The following EMILIN2 variants were observed in gnomAD, a reference collection of about 807,000 sequenced individuals.
EMILIN2 encodes the protein elastin microfibril interfacer 2.
In EMILIN2, 71 loss-of-function variants were observed where a neutral mutation model predicts 87.1. That is an observed-to-expected ratio of 0.82 (90% CI 0.67 to 0.99). The LOEUF (loss-of-function observed/expected upper bound fraction) is 0.99. Ranked by LOEUF, EMILIN2 falls within the 50% of genes least tolerant of loss-of-function variation. EMILIN2 has a pLI of 0.00. For missense variants in EMILIN2, 1,407 were observed against 1,371.8 expected (o/e 1.03, Z -0.40); for synonymous variants, 581 against 563.4 (o/e 1.03, Z -0.44).
In EMILIN2 at chr18:2,906,943, C is replaced by A; in HGVS notation, c.2520C>A (p.Gly840=). Residue 840 remains glycine, a synonymous_variant, in exon 5 of 8, where the codon GGC becomes GGA. Coordinates refer to ENST00000254528, the MANE Select transcript of EMILIN2 (RefSeq NM_032048.3). Reference sequence around the variant, plus strand: ...AGGAGAGGCCGCCCCAGCCGCCAGGCTCCACCGGGGTCATCGCGGAGACGG... The same window carrying A: ...AGGAGAGGCCGCCCCAGCCGCCAGGATCCACCGGGGTCATCGCGGAGACGG... ...PPEERPPQPP[G]STGVIAETGQ... is the part of the protein sequence containing the mutation. 7.1e-7 allele frequency: 1 copy of A among 1,400,760 alleles called. No homozygotes were observed. The allele number at this position is 1,400,760 out of a possible 1,614,324, so 86.8% of individuals were successfully genotyped here. A position where few individuals can be genotyped will look rare whatever the true frequency, so the allele number is the denominator to read the frequency against.
intron 2 of EMILIN2, among the ~76,000 whole-genome samples, chr18:2,863,938 C>A (rs1318523143): frequency 6.6e-6 from 1 of 152,086 alleles, no homozygotes; most frequent in Non-Finnish European, 1.5e-5. Flanking sequence ...GGATAGTTAG[C>A]TCTTCTTGTT....
intron 4 of EMILIN2, among the ~76,000 whole-genome samples, chr18:2,906,003 C>G (rs902991224): frequency 3.3e-5 from 5 of 152,174 alleles, no homozygotes; most frequent in Admixed American, 1.3e-4. Context: ...AAACAAAAAT[C>G]AAATGTGTTG....
intron 2 of EMILIN2, among the ~76,000 whole-genome samples, chr18:2,882,431 C>T (rs1039062150): frequency 1.1e-4 from 16 of 152,190 alleles, no homozygotes; most frequent in Admixed American, 4.6e-4. Flanking sequence ...ATTCTGATGG[C>T]TCAGGCTAAG....
In EMILIN2 at chr18:2,909,758, G is replaced by C; in HGVS notation, c.2763G>C (p.Gly921=). ...CCCAGAAGCCTTTCCCCAGTGATGG[G>C]GGCGTTGTCCTCTTTAACAAAGTGC... ...GLTQKPFPSD[G]GVVLFNKVLV... The change falls in exon 7 of 8, where the codon GGG becomes GGC. Residue 921 remains glycine, a synonymous_variant. Transcript: ENST00000254528. 2 of 1,613,440 alleles carry C rather than the reference G, an allele frequency of 1.2e-6. No individual in the cohort carries two copies. Among genetic ancestry groups the C allele is most frequent in the Non-Finnish European group, 1.7e-6 (2 of 1,179,784 alleles).
At chr18:2,868,268 T>G (rs1045353822) in intron 2 of EMILIN2, among the ~76,000 whole-genome samples, 1 of 151,304 alleles carries the variant, frequency 6.6e-6, no homozygotes, top group African/African-American at 2.4e-5. Context: ...GCTCCTCACT[T>G]CCTAGATGGG....
intron 7 of EMILIN2, 93 bp from the exon 8 acceptor site, chr18:2,912,974 C>G: frequency 7.4e-7 from 1 of 1,345,168 alleles, no homozygotes; most frequent in Non-Finnish European, 1.0e-6. Flanking sequence ...GCTGGTCTCC[C>G]AGGCCCAGGT....
At chr18:2,864,800 C>A (rs1168486920) in intron 2 of EMILIN2, among the ~76,000 whole-genome samples, 2 of 152,070 alleles carry the variant, frequency 1.3e-5, no homozygotes, top group East Asian at 3.9e-4. Context: ...TGGATAATAT[C>A]CTGCAGAGTG....
At chr18:2,910,123 G>A (rs2076933795) in intron 7 of EMILIN2, among the ~76,000 whole-genome samples, 2 of 151,576 alleles carry the variant, frequency 1.3e-5, no homozygotes, top group Admixed American at 6.6e-5. Context: ...AGTTATGAGG[G>A]CTGTGCCGGC....
At chr18:2,900,132 G>GTT (rs11314488) in intron 4 of EMILIN2, among the ~76,000 whole-genome samples, 26 of 151,202 alleles carry the variant, frequency 1.7e-4, no homozygotes, top group Admixed American at 8.5e-4. Flanking sequence ...AAGCTTGAGG[G>GTT]TTTTTTTTTT....
At chr18:2,908,604 C>T (rs1011286759) in intron 5 of EMILIN2, among the ~76,000 whole-genome samples, 2 of 152,226 alleles carry the variant, frequency 1.3e-5, no homozygotes, top group African/African-American at 4.8e-5. Flanking sequence ...GATAACACTG[C>T]TAGAGGGCAA....
chr18:2,907,400 T>C (rs8097136), intron 5 of EMILIN2, among the ~76,000 whole-genome samples: 33,152 of 152,078 alleles, frequency 0.22, 4,564 homozygotes, highest in African/African-American at 0.38. Context: ...CAGAAGGGTA[T>C]TGGGAGCTTG....
At chr18:2,881,765 A>G (rs985955908) in intron 2 of EMILIN2, among the ~76,000 whole-genome samples, 2 of 152,228 alleles carry the variant, frequency 1.3e-5, no homozygotes, top group African/African-American at 4.8e-5. Flanking sequence ...GAGATTACAC[A>G]TTCTTCCAGC....
chr18:2,853,297 G>C (rs2076610339), intron 2 of EMILIN2, among the ~76,000 whole-genome samples: 1 of 152,166 alleles, frequency 6.6e-6, no homozygotes, highest in Non-Finnish European at 1.5e-5. Flanking sequence ...CAGTCTGGTA[G>C]ATCCTGCCAC....
chr18:2,906,850 G>T lies in EMILIN2; in HGVS notation c.2427G>T (p.Pro809=). 3.0e-6 allele frequency: 4 copies of T among 1,351,432 alleles called. No individual in the cohort carries two copies. Among genetic ancestry groups the T allele is most frequent in the South Asian group, 3.6e-5 (2 of 55,178 alleles). The allele number at this position is 1,351,432 out of a possible 1,614,324, so 83.7% of individuals were successfully genotyped here. ...KEPLQPEPAP[P]RPSGPATAED... ...CGCTGCAGCCCGAGCCCGCCCCGCC[G>T]AGGCCCAGCGGCCCCGCAACCGCAG... The change falls in exon 5 of 8, where the codon CCG becomes CCT. Residue 809 remains proline (P), a synonymous_variant. Coordinates refer to ENST00000254528, the MANE Select transcript of EMILIN2 (RefSeq NM_032048.3).
At chr18:2,868,423 G>T (rs1397938852) in intron 2 of EMILIN2, among the ~76,000 whole-genome samples, 1 of 152,200 alleles carries the variant, frequency 6.6e-6, no homozygotes, top group Non-Finnish European at 1.5e-5. Context: ...CTGCAATCTC[G>T]GCTCTTTGGG....
intron 2 of EMILIN2, among the ~76,000 whole-genome samples, chr18:2,855,227 C>T (rs116053804): frequency 6.6e-6 from 1 of 152,262 alleles, no homozygotes; most frequent in African/African-American, 2.4e-5. Context: ...TCTTATTTCT[C>T]TTGTTCCTGT....
At position 2,847,916 on chromosome 18, in the gene EMILIN2, G is replaced by A. The variant is rs762499245; in HGVS notation, c.242G>A (p.Cys81Tyr). Reference sequence around the variant, plus strand: ...AACTGTGCCTGGAACCAGATGCCCTGTCCGTCGGCGCTGGTGTAAGTCCTG... The same window carrying A: ...AACTGTGCCTGGAACCAGATGCCCTATCCGTCGGCGCTGGTGTAAGTCCTG... ...QYNCAWNQMPCPSALVYRVNF... is the reference protein window; with the variant it reads ...QYNCAWNQMPYPSALVYRVNF... The change falls in exon 2 of 8, where the codon TGT becomes TAT. Residue 81 changes from cysteine (C) to tyrosine (Y), a missense_variant. Transcript: ENST00000254528. The surrounding 1 kb of genome is among the most constrained non-coding windows in gnomAD (Gnocchi z 4.5). 1 of 1,611,840 alleles carries A rather than the reference G, an allele frequency of 6.2e-7. No homozygotes were observed. Among genetic ancestry groups the A allele is most frequent in the South Asian group, 1.1e-5 (1 of 91,022 alleles).
At chr18:2,873,707 A>AAAAT (rs144318798) in intron 2 of EMILIN2, among the ~76,000 whole-genome samples, 18 of 151,642 alleles carry the variant, frequency 1.2e-4, no homozygotes, top group South Asian at 4.2e-4. Flanking sequence ...ACTCCATCTC[A>AAAAT]AAATAAATAA....
At chr18:2,883,717 T>A (rs1412530965) in intron 2 of EMILIN2, among the ~76,000 whole-genome samples, 1 of 152,240 alleles carries the variant, frequency 6.6e-6, no homozygotes, top group African/African-American at 2.4e-5. Context: ...CTCTGTGTGA[T>A]ATTCCAGGGC....
Sources: gnomAD v4.1 joint callset for allele counts (sites outside exome capture counted in the v4.1 genomes callset) on GRCh38, gnomAD v4.1.1 for gene constraint, Gnocchi (gnomAD v3.1) non-coding constraint, MANE v1.5 for transcripts, NCBI Gene and HGNC (gene_info 2026-07-23, HGNC 2026-07-21) for gene names.